LUC7L3: variants seen among roughly 807,000 people sequenced by gnomAD.
The protein encoded by LUC7L3 is luc7-like protein 3.
Under a neutral mutation model 66.8 loss-of-function variants are expected in LUC7L3, and 6 were observed. The ratio of observed to expected loss-of-function variants is 0.09; its 90% CI spans 0.05 to 0.18. The LOEUF (loss-of-function observed/expected upper bound fraction) is 0.18, where lower values mean the gene tolerates loss of function less well. Among genes scored for constraint, LUC7L3 ranks in the 10% least tolerant of loss-of-function variants. LUC7L3 has a pLI of 1.00. For missense variants in LUC7L3, 341 were observed against 531.1 expected, an observed-to-expected ratio of 0.64 and a Z score of 3.52; for synonymous variants, 160 against 174.7, an observed-to-expected ratio of 0.92 and a Z score of 0.66.
chr17:50,741,543 C>G, intron 4 of LUC7L3, 114 bp from the exon 5 acceptor site: 1 of 640,250 alleles, frequency 1.6e-6, no homozygotes, highest in Non-Finnish European at 2.7e-6. Flanking sequence ...AATTACTATC[C>G]TTTCAATTAA....
In LUC7L3 at chr17:50,751,530, A is replaced by AT. The variant is rs1055197061; in HGVS notation, c.*877dup. On this transcript the variant is annotated 3_prime_UTR_variant, in exon 10 of 10. Coordinates refer to ENST00000505658, the MANE Select transcript of LUC7L3 (RefSeq NM_016424.5). ...ATAAAACAAATGTTAACAGAATGGAATTTTTTTTCAACTGTATGTAGGGCT... is the reference window on the plus strand; with the variant it reads ...ATAAAACAAATGTTAACAGAATGGAATTTTTTTTTCAACTGTATGTAGGGCT... 1.2e-5 allele frequency: 14 copies of AT among 1,177,434 alleles called. 1 individual carries two copies. The highest frequency in any genetic ancestry group is 1.2e-4 in the East Asian group (2 of 16,544). The allele number at this position is 1,177,434 out of a possible 1,614,324, so 72.9% of individuals were successfully genotyped here.
At position 50,744,764 on chromosome 17, in the gene LUC7L3, A is replaced by G; in HGVS notation, c.644A>G (p.Lys215Arg). The G allele has an allele frequency of 6.2e-7, 1 of 1,614,172 alleles. No individual in the cohort carries two copies. The highest frequency in any genetic ancestry group is 8.5e-7 in the Non-Finnish European group (1 of 1,180,016). ...QSRVDDHLMGKQHMGYAKIKA... is the reference protein window; with the variant it reads ...QSRVDDHLMGRQHMGYAKIKA... ...CGGGTAGATGACCATTTGATGGGAA[A>G]ACAACACATGGGCTATGCCAAAATT... Residue 215 changes from lysine (K) to arginine (R), a missense_variant, in exon 7 of 10, where the codon AAA (lysine) becomes AGA (arginine). By Grantham distance (26) the Lys-to-Arg change is conservative. This residue lies in a region of LUC7L3 where 17 missense variants were observed against 48.2 expected (regional missense o/e 0.35). Coordinates refer to ENST00000505658, the MANE Select transcript of LUC7L3 (RefSeq NM_016424.5).
rs958936080 is a variant in LUC7L3 at position 50,719,673 on chromosome 17, G to A, written c.-60G>A. On this transcript the variant is annotated 5_prime_UTR_variant, in exon 1 of 10. Transcript: ENST00000505658. The stretch of plus-strand genomic sequence containing the variant: ...GGCCGAGGAGATTGGCGACGGTGTC[G>A]CCCGTGTTTTCGTTGGCGGGTGCCT... 3 of 1,400,456 alleles carry A rather than the reference G, an allele frequency of 2.1e-6. No individual in the cohort carries two copies. The highest frequency in any genetic ancestry group is 3.7e-5 in the Admixed American group (2 of 53,668). The allele number at this position is 1,400,456 out of a possible 1,614,324, so 86.8% of individuals were successfully genotyped here.
At chr17:50,733,681 G>A (rs961686374) in intron 1 of LUC7L3, among the ~76,000 whole-genome samples, 12 of 152,146 alleles carry the variant, frequency 7.9e-5, no homozygotes, top group Admixed American at 7.9e-4. Context: ...GATTACAGGC[G>A]TGCAGCCAGT....
intron 1 of LUC7L3, among the ~76,000 whole-genome samples, chr17:50,733,007 T>C (rs1969724346): frequency 6.6e-6 from 1 of 152,232 alleles, no homozygotes; most frequent in African/African-American, 2.4e-5. Flanking sequence ...ATGTGTTTAT[T>C]CGTTTTTTTG....
chr17:50,721,793 C>G (rs1238929494), intron 1 of LUC7L3, among the ~76,000 whole-genome samples: 1 of 152,090 alleles, frequency 6.6e-6, no homozygotes, highest in African/African-American at 2.4e-5. Context: ...AAGGAGTCAC[C>G]TTTTCTATAG....
At chr17:50,733,952 G>A (rs1158749288) in intron 1 of LUC7L3, among the ~76,000 whole-genome samples, 2 of 152,046 alleles carry the variant, frequency 1.3e-5, no homozygotes, top group Non-Finnish European at 2.9e-5. Context: ...TATAAAAATC[G>A]AGTATTGGCA....
At chr17:50,742,283 T>C (rs1970397037) in intron 5 of LUC7L3, among the ~76,000 whole-genome samples, 1 of 152,196 alleles carries the variant, frequency 6.6e-6, no homozygotes, top group South Asian at 2.1e-4. Context: ...GGGTATAATA[T>C]TGCACAACCA....
chr17:50,750,985 T>C lies in LUC7L3; in HGVS notation c.*324T>C, dbSNP rs1389133071. On this transcript the variant is annotated 3_prime_UTR_variant, in exon 10 of 10. Transcript: ENST00000505658. ...ATTATCCTTTTTTTAGGGATTTTGA[T>C]GTCATTTCTTTTTTTTTTTTAATAA... 1 of 1,468,242 alleles carries C rather than the reference T, an allele frequency of 6.8e-7. No homozygotes were observed. 91.0% of individuals were successfully genotyped at this position (1,468,242 alleles called of 1,614,324 possible). A position where few individuals can be genotyped will look rare whatever the true frequency, so the allele number is the denominator to read the frequency against.
chr17:50,751,826 T>A lies in LUC7L3; in HGVS notation c.*1165T>A, dbSNP rs1037153286. 9.9e-7 allele frequency: 1 copy of A among 1,010,102 alleles called. No individual in the cohort carries two copies. The highest frequency in any genetic ancestry group is 1.7e-5 in the African/African-American group (1 of 57,396). The allele number at this position is 1,010,102 out of a possible 1,614,324, so 62.6% of individuals were successfully genotyped here. On this transcript the variant is annotated 3_prime_UTR_variant, in exon 10 of 10. Transcript: ENST00000505658. ...ACTGATGCACTATATAGAACGAATT[T>A]GGGTTTTTAAAGAAATATTAAAAGT...
At chr17:50,720,750 A>T (rs1308244471) in intron 1 of LUC7L3, among the ~76,000 whole-genome samples, 1 of 152,240 alleles carries the variant, frequency 6.6e-6, no homozygotes, top group Non-Finnish European at 1.5e-5. Context: ...AGTTCAGGTA[A>T]TGCATGCTTC....
At chr17:50,727,774 G>T (rs964892233) in intron 1 of LUC7L3, among the ~76,000 whole-genome samples, 1 of 152,112 alleles carries the variant, frequency 6.6e-6, no homozygotes, top group African/African-American at 2.4e-5. Context: ...TTTGTTGGGT[G>T]GGGTAGTGTA....
rs527710440 is a variant in LUC7L3 at position 50,753,985 on chromosome 17, G to A, written c.*3324G>A. The A allele has an allele frequency of 3.3e-5, 5 of 152,298 alleles. No individual in the cohort carries two copies. The South Asian group carries it at 1.0e-3, about 32-fold the overall frequency. 9.4% of individuals were successfully genotyped at this position (152,298 alleles called of 1,614,324 possible). On this transcript the variant is annotated 3_prime_UTR_variant, in exon 10 of 10. Transcript: ENST00000505658. ...ACTAAGGCCTGGCTTTAGTTATGGA[G>A]AGAGACGTAGAAGTTGAATTTTACA...
chr17:50,736,068 GC>G lies in LUC7L3; in HGVS notation c.100-891del, dbSNP rs1461540958. ...CAATTGCTTGAACCTGGGAGGCGGA[GC>G]TTGCAGTGGGCTGAGATGGTGCCAC... is the stretch of plus-strand genomic sequence containing the variant. On this transcript the variant is annotated intron_variant, in intron 1 of 9. Transcript: ENST00000505658. Among the ~76,000 whole-genome samples, 3 of 152,244 alleles carry G rather than the reference GC, an allele frequency of 2.0e-5. No individual in the cohort carries two copies. In the East Asian group the frequency reaches 5.8e-4, roughly 29 times the overall value.
At chr17:50,728,327 A>G (rs1164287648) in intron 1 of LUC7L3, among the ~76,000 whole-genome samples, 6 of 152,198 alleles carry the variant, frequency 3.9e-5, no homozygotes, top group Non-Finnish European at 8.8e-5. Context: ...AGGCATGGAA[A>G]TGAATGTGTG....
chr17:50,754,314 A>G lies in LUC7L3; in HGVS notation c.*3653A>G. 1 of 152,218 alleles carries G rather than the reference A, an allele frequency of 6.6e-6. No individual in the cohort carries two copies. Among genetic ancestry groups the G allele is most frequent in the East Asian group, 1.9e-4 (1 of 5,206 alleles). The allele number at this position is 152,218 out of a possible 1,614,324, so 9.4% of individuals were successfully genotyped here. A position where few individuals can be genotyped will look rare whatever the true frequency, so the allele number is the denominator to read the frequency against. On this transcript the variant is annotated 3_prime_UTR_variant, in exon 10 of 10. Coordinates refer to ENST00000505658, the MANE Select transcript of LUC7L3 (RefSeq NM_016424.5). ...CAATATAATTAACCTCTGTTAACTC[A>G]TCACCAACAAGACTCATGACCACTT...
chr17:50,741,635 T>TA (rs771128330), intron 4 of LUC7L3, 22 bp from the exon 5 acceptor site: 17 of 1,545,498 alleles, frequency 1.1e-5, no homozygotes, highest in Non-Finnish European at 1.3e-5. Flanking sequence ...TTGTTGGTAA[T>TA]ACGTTTTATT....
chr17:50,741,777 A>G (rs549557696), intron 5 of LUC7L3, 46 bp downstream of exon 5: 17 of 1,453,548 alleles, frequency 1.2e-5, no homozygotes, highest in Non-Finnish European at 1.4e-5. Context: ...TGAAACAGAC[A>G]TGTAACCAGC....
At chr17:50,748,019 A>G (rs199972187) in intron 9 of LUC7L3, among the ~76,000 whole-genome samples, 20 of 152,342 alleles carry the variant, frequency 1.3e-4, no homozygotes, top group Middle Eastern at 3.4e-3. Flanking sequence ...GCCAGGTATG[A>G]CTGTCAGGTC....
Sources: gnomAD v4.1 joint callset for allele counts (sites outside exome capture counted in the v4.1 genomes callset) on GRCh38, gnomAD v4.1.1 for gene constraint, gnomAD v4.1.1 regional missense constraint, MANE v1.5 for transcripts, NCBI Gene and HGNC (gene_info 2026-07-23, HGNC 2026-07-21) for gene names.